The following ANO1 variants were observed in gnomAD, a reference collection of about 807,000 sequenced individuals.
The protein encoded by ANO1 is anoctamin 1, also known as anoctamin-1.
Under a neutral mutation model 124.0 loss-of-function variants are expected in ANO1, and 59 were observed. That is an observed-to-expected ratio of 0.48 (90% confidence interval 0.39 to 0.59). ANO1 has a LOEUF of 0.59. ANO1 is among the 20% of genes least tolerant of loss of function. The pLI is 0.00. For missense variants in ANO1, 1,059 were observed against 1,328.0 expected (o/e 0.80, Z 3.15); for synonymous variants, 529 against 532.0 (o/e 0.99, Z 0.08).
In ANO1 at chr11:70,088,018, C is replaced by T; in HGVS notation, c.375C>T (p.Arg125=). 1 of 1,532,300 alleles carries T rather than the reference C, an allele frequency of 6.5e-7. No individual in the cohort carries two copies. Among genetic ancestry groups the T allele is most frequent in the Admixed American group, 2.0e-5 (1 of 49,360 alleles). 94.9% of individuals were successfully genotyped at this position (1,532,300 alleles called of 1,614,324 possible). A position where few individuals can be genotyped will look rare whatever the true frequency, so the allele number is the denominator to read the frequency against. The change falls in exon 2 of 26, where the codon CGC becomes CGT. Residue 125 remains arginine (R), a synonymous_variant. Coordinates refer to ENST00000355303, the MANE Select transcript of ANO1 (RefSeq NM_018043.7). ...PPMDYHEDDK[R]FRREEYEGNL... ...TGGACTACCACGAGGATGACAAGCG[C>T]TTCCGCAGGGAGGAGTACGAGGGCA...
chr11:70,159,162 G>A (rs1386464912), intron 16 of ANO1, among the ~76,000 whole-genome samples: 1 of 152,144 alleles, frequency 6.6e-6, no homozygotes, highest in African/African-American at 2.4e-5. Flanking sequence ...CCTAGGAGTG[G>A]GTCCCCTCTT....
chr11:70,007,307 C>T (rs565515799), intron 1 of ANO1, among the ~76,000 whole-genome samples: 2 of 138,302 alleles, frequency 1.4e-5, no homozygotes, highest in African/African-American at 2.7e-5. Context: ...GACAGAGTCT[C>T]GCTTAGTCAC....
intron 1 of ANO1, among the ~76,000 whole-genome samples, chr11:70,012,056 A>T (rs1228989640): frequency 1.3e-5 from 2 of 151,832 alleles, no homozygotes; most frequent in African/African-American, 2.4e-5. Context: ...CCATTGTTGG[A>T]TCTAACCATT....
chr11:70,041,776 T>C (rs1275118280), intron 1 of ANO1, among the ~76,000 whole-genome samples: 2 of 152,054 alleles, frequency 1.3e-5, no homozygotes, highest in Non-Finnish European at 2.9e-5. Flanking sequence ...GTAGAGGATG[T>C]TGGAGGAAAT....
chr11:70,078,313 G>T (rs1028926063), upstream of ANO1: 1 of 151,286 alleles, frequency 6.6e-6, no homozygotes, highest in African/African-American at 2.4e-5. Context: ...AAGGCGGGCC[G>T]GCTGGCGTCC....
chr11:70,100,833 T>C (rs1192215595), intron 2 of ANO1, among the ~76,000 whole-genome samples: 1 of 152,236 alleles, frequency 6.6e-6, no homozygotes, highest in Non-Finnish European at 1.5e-5. Context: ...TCAACATTAC[T>C]ATTACTATTA....
intron 22 of ANO1, among the ~76,000 whole-genome samples, chr11:70,171,895 T>G (rs1162948282): frequency 1.3e-5 from 2 of 151,896 alleles, no homozygotes; most frequent in East Asian, 3.9e-4. Context: ...TGAGCCCACA[T>G]AGGTTGTGGC....
At position 70,170,993 on chromosome 11, in the gene ANO1, T is replaced by C; in HGVS notation, c.2304T>C (p.Phe768=). Residue 768 remains phenylalanine, a synonymous_variant, in exon 22 of 26, where the codon TTT becomes TTC. Transcript: ENST00000355303. The stretch of plus-strand genomic sequence containing the variant: ...AGATCCGCCTGGACGCCAAAAAGTT[T>C]GTCACTGAGCTCCGAAGGCCGGTAG... ...IIEIRLDAKK[F]VTELRRPVAV... is the part of the protein sequence containing the mutation. 1 of 1,612,926 alleles carries C rather than the reference T, an allele frequency of 6.2e-7. No homozygotes were observed. Among genetic ancestry groups the C allele is most frequent in the Non-Finnish European group, 8.5e-7 (1 of 1,179,436 alleles).
chr11:70,113,079 T>C lies in ANO1; in HGVS notation c.855+1317T>C, dbSNP rs112827333. Among the ~76,000 whole-genome samples, 1,431 of 152,194 alleles carry C rather than the reference T, an allele frequency of 9.4e-3. 28 individuals carry two copies. The highest frequency in any genetic ancestry group is 0.033 in the African/African-American group (1,361 of 41,506). The stretch of plus-strand genomic sequence containing the variant: ...TGAGCAGCCCCGCTTCCTCCCTTCG[T>C]GCATTCACACATGCTGTTCCTTCTG... On this transcript the variant is annotated intron_variant, in intron 7 of 25. Coordinates refer to ENST00000355303, the MANE Select transcript of ANO1 (RefSeq NM_018043.7).
intron 11 of ANO1, among the ~76,000 whole-genome samples, chr11:70,145,327 T>C (rs2047327938): frequency 6.6e-6 from 1 of 152,220 alleles, no homozygotes; most frequent in Non-Finnish European, 1.5e-5. Context: ...TGGTGGGGTC[T>C]GTGGCCAAGT....
At chr11:70,122,571 C>A (rs530724221) in intron 8 of ANO1, among the ~76,000 whole-genome samples, 1 of 151,826 alleles carries the variant, frequency 6.6e-6, no homozygotes, top group East Asian at 1.9e-4. Context: ...CTCTGTCTCT[C>A]TCTCCACCTC....
At chr11:70,168,653 G>A (rs2048343635) in intron 21 of ANO1, among the ~76,000 whole-genome samples, 2 of 152,154 alleles carry the variant, frequency 1.3e-5, no homozygotes, top group African/African-American at 4.8e-5. Context: ...CCAGCATGCA[G>A]TGCCCTGGCC....
intron 1 of ANO1, among the ~76,000 whole-genome samples, chr11:70,066,271 G>C (rs1857715626): frequency 6.6e-6 from 1 of 152,200 alleles, no homozygotes. Context: ...ATGCCGAGCT[G>C]CCCTCGTGGG....
intron 7 of ANO1, among the ~76,000 whole-genome samples, chr11:70,112,642 C>T (rs1041005431): frequency 7.9e-5 from 12 of 151,398 alleles, no homozygotes; most frequent in African/African-American, 2.4e-4. Flanking sequence ...ACGGCAACCT[C>T]CACCTCTTGG....
chr11:70,068,250 G>A lies in ANO1; in HGVS notation c.59-10292G>A, dbSNP rs140285432. On this transcript the variant is annotated intron_variant, in intron 1 of 27. Coordinates refer to the ANO1 transcript ENST00000531349. ...AGATTCCACAGCCTCCTGTTAAGAG[G>A]CAAGTGTCCGTGCAGGGGTTGGTTG... Among the ~76,000 whole-genome samples, 814 of 152,308 alleles carry A rather than the reference G, an allele frequency of 5.3e-3. 7 individuals carry two copies. Among genetic ancestry groups the A allele is most frequent in the African/African-American group, 0.018 (737 of 41,570 alleles).
Position 70,090,083 on chromosome 11 carries a change from A to G in ANO1, c.441+1999A>G, listed in dbSNP as rs58596612. 9.2e-3 allele frequency among the ~76,000 whole-genome samples: 1,407 copies of G among 152,284 alleles called. 25 individuals are homozygous for G. Among genetic ancestry groups the G allele is most frequent in the African/African-American group, 0.032 (1,333 of 41,554 alleles). ...GTTGCCCAGGCTGGAGTGCAGTGGC[A>G]CAATCTCGGCTCACTGCAAGCTCCG... On this transcript the variant is annotated intron_variant, in intron 2 of 25. Coordinates refer to ENST00000355303, the MANE Select transcript of ANO1 (RefSeq NM_018043.7).
chr11:70,003,370 T>C (rs1856420921), intron 1 of ANO1, among the ~76,000 whole-genome samples: 1 of 152,218 alleles, frequency 6.6e-6, no homozygotes, highest in Non-Finnish European at 1.5e-5. Context: ...GACTCTGATA[T>C]GGTCCCACTG....
At chr11:70,114,923 G>A (rs147180455) in intron 7 of ANO1, among the ~76,000 whole-genome samples, 14 of 152,280 alleles carry the variant, frequency 9.2e-5, no homozygotes, top group Middle Eastern at 3.4e-3. Context: ...TGTATCACCC[G>A]TACTGAAAGG....
At chr11:69,994,145 A>G (rs961907987) in intron 1 of ANO1, among the ~76,000 whole-genome samples, 5 of 150,342 alleles carry the variant, frequency 3.3e-5, no homozygotes, top group African/African-American at 9.9e-5. Flanking sequence ...TAAGCGGTGC[A>G]TGGGCTAGCT....
Sources: allele counts gnomAD v4.1 joint callset (sites outside exome capture counted in the v4.1 genomes callset), GRCh38; gene constraint gnomAD v4.1.1; transcripts MANE v1.5; gene names NCBI Gene and HGNC (gene_info 2026-07-23, HGNC 2026-07-21).